TTLL3: variants seen among roughly 807,000 people sequenced by gnomAD.
The protein encoded by TTLL3 is tubulin tyrosine ligase like 3, also known as tubulin monoglycylase TTLL3.
TTLL3 carries 63 observed loss-of-function variants against 75.2 expected under a neutral mutation model. That is an observed-to-expected ratio of 0.84 (90% CI 0.68 to 1.03). The LOEUF is 1.03. Among genes scored for constraint, TTLL3 ranks in the 50% least tolerant of loss-of-function variants. The probability of loss-of-function intolerance (pLI) is 0.00; values close to 1 mark genes in which losing one functional copy is unlikely to be tolerated. For missense variants in TTLL3, 997 were observed against 1,069.9 expected, an observed-to-expected ratio of 0.93 and a Z score of 0.95; for synonymous variants, 393 against 418.5, an observed-to-expected ratio of 0.94 and a Z score of 0.74.
At position 9,829,336 on chromosome 3, in the gene TTLL3, A is replaced by G. The variant is rs1314079692; in HGVS notation, c.1624A>G (p.Ile542Val). 6.2e-7 allele frequency: 1 copy of G among 1,612,512 alleles called. No homozygotes were observed. The highest frequency in any genetic ancestry group is 8.5e-7 in the Non-Finnish European group (1 of 1,179,116). ...GCAAGCTGACACCCTGCGCGTGGTC[A>G]TTGACCGGATGCTGGACCGCAACTG... ...GVQADTLRVVIDRMLDRNCDT... is the reference protein window; with the variant it reads ...GVQADTLRVVVDRMLDRNCDT... The change falls in exon 11 of 14, where the codon ATT becomes GTT. Residue 542 changes from isoleucine (I) to valine (V), a missense_variant. Coordinates refer to ENST00000685419, the MANE Select transcript of TTLL3 (RefSeq NM_001387446.1).
At chr3:9,826,422 G>T (rs2081046533) in intron 9 of TTLL3, among the ~76,000 whole-genome samples, 1 of 152,078 alleles carries the variant, frequency 6.6e-6, no homozygotes, top group African/African-American at 2.4e-5. Flanking sequence ...CGTAATAGGT[G>T]CACATACTTT....
In TTLL3 at chr3:9,827,080, G is replaced by A. The variant is rs1007372320; in HGVS notation, c.1087G>A (p.Val363Met). ...PVVMKDGKWVVQKYIERPLLI... is the reference protein window; with the variant it reads ...PVVMKDGKWVMQKYIERPLLI... ...GGTGATGAAGGACGGCAAGTGGGTGGTGCAGAAGTATATTGAGCGGCCCCT... is the reference window on the plus strand; with the variant it reads ...GGTGATGAAGGACGGCAAGTGGGTGATGCAGAAGTATATTGAGCGGCCCCT... Residue 363 changes from valine (V) to methionine (M), a missense_variant, in exon 10 of 14, where the codon GTG (valine) becomes ATG (methionine). Transcript: ENST00000685419. The A allele has an allele frequency of 1.2e-5, 20 of 1,614,100 alleles. No homozygotes were observed. Among genetic ancestry groups the A allele is most frequent in the East Asian group, 2.2e-5 (1 of 44,900 alleles).
rs771828342 is a variant in TTLL3, at chr3:9,833,305, AG to A, written c.1825+61del. On this transcript the variant is annotated intron_variant, in intron 12 of 13. Transcript: ENST00000685419. ...TTCTAGGAAAGGCACTGGGGCCAGG[AG>A]CCTGGGGCACAGTGAGAAGCCAGTC... is the stretch of plus-strand genomic sequence containing the variant. 4.4e-6 allele frequency: 7 copies of A among 1,591,538 alleles called. No homozygotes were observed. The South Asian group carries it at 6.8e-5, about 15-fold the overall frequency.
At chr3:9,813,417 T>C in intron 4 of TTLL3, 72 bp downstream of exon 4, 1 of 1,559,328 alleles carries the variant, frequency 6.4e-7, no homozygotes, top group Non-Finnish European at 8.8e-7. Flanking sequence ...TCCAGCTGGG[T>C]GACCTCAGAC....
At chr3:9,819,904 G>T (rs2080253109) in intron 7 of TTLL3, 2 of 985,636 alleles carry the variant, frequency 2.0e-6, no homozygotes, top group Admixed American at 1.2e-4. Context: ...TATGGTATAG[G>T]TCAGGCTGCA....
At chr3:9,824,472 G>A (rs1327355308) in intron 8 of TTLL3, among the ~76,000 whole-genome samples, 4 of 152,108 alleles carry the variant, frequency 2.6e-5, no homozygotes, top group Admixed American at 1.3e-4. Flanking sequence ...GTGCAATGGC[G>A]CGATCTCGGC....
rs1190631072 is a variant in TTLL3 at position 9,826,995 on chromosome 3, A to T, written c.1004-2A>T. 1 of 1,614,068 alleles carries T rather than the reference A, an allele frequency of 6.2e-7. No homozygotes were observed. The highest frequency in any genetic ancestry group is 1.7e-5 in the Admixed American group (1 of 60,010). On this transcript the variant is annotated splice_acceptor_variant, in intron 9 of 13. Transcript: ENST00000685419. LOFTEE classifies it high-confidence loss of function. ...ATCCCTGACTGCCCTCTTCCCCCGTAGGCATCATGTGCATGGACCACCTGG... is the reference window on the plus strand; with the variant it reads ...ATCCCTGACTGCCCTCTTCCCCCGTTGGCATCATGTGCATGGACCACCTGG...
intron 12 of TTLL3, 42 bp from the exon 13 acceptor site, chr3:9,834,638 TG>T (rs1203491483): frequency 6.2e-7 from 1 of 1,611,272 alleles, no homozygotes; most frequent in Admixed American, 1.7e-5. Flanking sequence ...TAGGCCACCT[TG>T]GGCCCCACCC....
At chr3:9,817,335 A>G in intron 5 of TTLL3, 2 of 670,700 alleles carry the variant, frequency 3.0e-6, no homozygotes, top group Non-Finnish European at 3.7e-6. Context: ...GAGGCAGGAG[A>G]ATGGTGTGAA....
chr3:9,832,340 A>T (rs1474803656), intron 11 of TTLL3, among the ~76,000 whole-genome samples: 1 of 152,054 alleles, frequency 6.6e-6, no homozygotes, highest in Admixed American at 6.6e-5. Flanking sequence ...TGCCAACCTT[A>T]GCCTCCCAAA....
intron 7 of TTLL3, chr3:9,820,338 G>T: frequency 7.0e-7 from 1 of 1,425,654 alleles, no homozygotes; most frequent in Non-Finnish European, 9.2e-7. Context: ...CAGGTCCTGG[G>T]ACAGTGGGAG....
chr3:9,833,235 C>A lies in TTLL3; in HGVS notation c.1815C>A (p.Gly605=). 1.2e-6 allele frequency: 2 copies of A among 1,614,012 alleles called. No individual in the cohort carries two copies. Among genetic ancestry groups the A allele is most frequent in the Non-Finnish European group, 1.7e-6 (2 of 1,179,960 alleles). ...RPAVPLLTQR[G]SGEARHHFPS... is the part of the protein sequence containing the mutation. ...CAGTCCCTCTGCTGACCCAGCGAGG[C>A]TCTGGGGAAGGCAAGGACTCGGGGA... Residue 605 remains glycine (G), a synonymous_variant, in exon 12 of 14, where the codon GGC becomes GGA. Transcript: ENST00000685419.
intron 8 of TTLL3, among the ~76,000 whole-genome samples, chr3:9,822,332 G>A (rs1196800267): frequency 6.6e-6 from 1 of 151,894 alleles, no homozygotes; most frequent in Non-Finnish European, 1.5e-5. Context: ...CTCCCAAAGT[G>A]CTGGGATTAC....
rs150976086 is a variant in TTLL3 at position 9,831,360 on chromosome 3, G to C, written c.1684-1744G>C. ...TGTTAGCTGATTGTCTCAGGAACTA[G>C]AAGTTAGGTCAAATAGTTTGATGAG... On this transcript the variant is annotated intron_variant, in intron 11 of 13. Transcript: ENST00000685419. Among the ~76,000 whole-genome samples the C allele has an allele frequency of 5.3e-3, 800 of 152,288 alleles. 5 individuals are homozygous for C. Among genetic ancestry groups the C allele is most frequent in the Non-Finnish European group, 9.2e-3 (629 of 68,022 alleles).
At chr3:9,822,311 C>T (rs996329620) in intron 8 of TTLL3, among the ~76,000 whole-genome samples, 6 of 151,864 alleles carry the variant, frequency 4.0e-5, no homozygotes, top group Non-Finnish European at 8.8e-5. Flanking sequence ...TCGTGATCCG[C>T]CCTCCTCAGC....
chr3:9,817,537 CG>C (rs1475093984), intron 5 of TTLL3, 107 bp from the exon 6 acceptor site: 1 of 1,580,290 alleles, frequency 6.3e-7, no homozygotes, highest in Non-Finnish European at 8.6e-7. Flanking sequence ...ACCTTGCAAG[CG>C]GGGCCAAGGC....
chr3:9,811,342 TGTC>T (rs2079334548), intron 2 of TTLL3, among the ~76,000 whole-genome samples: 1 of 152,198 alleles, frequency 6.6e-6, no homozygotes, highest in South Asian at 2.1e-4. Context: ...TGCCCAAACC[TGTC>T]GTCCTCCCCA....
chr3:9,819,238 C>G (rs2080189601), intron 7 of TTLL3: 1 of 345,860 alleles, frequency 2.9e-6, no homozygotes, highest in African/African-American at 2.1e-5. Flanking sequence ...CCCCATCCAT[C>G]TATCCACTCC....
At chr3:9,833,970 A>C in intron 12 of TTLL3, 1 of 170,314 alleles carries the variant, frequency 5.9e-6, no homozygotes, top group Non-Finnish European at 1.3e-5. Context: ...AAATTAGCCG[A>C]GTGTAGGGGC....
Sources: gnomAD v4.1 joint callset for allele counts (sites outside exome capture counted in the v4.1 genomes callset) on GRCh38, gnomAD v4.1.1 for gene constraint, MANE v1.5 for transcripts, NCBI Gene and HGNC (gene_info 2026-07-23, HGNC 2026-07-21) for gene names.